Variants in PCDHGA4 observed in about 807,000 individuals in gnomAD.
PCDHGA4 encodes the protein protocadherin gamma-A4.
PCDHGA4 carries 38 observed loss-of-function variants against 54.6 expected under a neutral mutation model. The observed-to-expected ratio is 0.70, with a 90% CI of 0.54 to 0.91. The LOEUF (loss-of-function observed/expected upper bound fraction) is 0.91. Ranked by LOEUF, PCDHGA4 falls within the 40% of genes least tolerant of loss-of-function variation. The probability of loss-of-function intolerance (pLI) is 0.00; values close to 1 mark genes in which losing one functional copy is unlikely to be tolerated. For synonymous variants in PCDHGA4, 511 were observed against 512.9 expected (o/e 1.00, Z 0.05); for missense variants, 1,298 against 1,220.9 (o/e 1.06, Z -0.94).
Position 141,491,795 on chromosome 5 carries a change from C to T in PCDHGA4, c.2515-3012C>T. On this transcript the variant is annotated intron_variant, in intron 1 of 3. Coordinates refer to ENST00000571252, the MANE Select transcript of PCDHGA4 (RefSeq NM_018917.4). This position sits in a 1 kb window ranked among gnomAD's most constrained non-coding sequence, Gnocchi z 6.9. ...GGATTGAACTTGCATCCACTCCTCT[C>T]CGGCCGGCTTGGTCGCTGGCTGCGC... 6 of 1,511,694 alleles carry T rather than the reference C, an allele frequency of 4.0e-6. No individual in the cohort carries two copies. Among genetic ancestry groups the T allele is most frequent in the Non-Finnish European group, 5.3e-6 (6 of 1,130,430 alleles). 93.6% of individuals were successfully genotyped at this position (1,511,694 alleles called of 1,614,324 possible).
rs70988800 is a variant in PCDHGA4 at position 141,379,889 on chromosome 5, C to CTTTTTTTTTTTTTT, written c.2514+22285_2514+22298dup. ...CTTATTTTATGGTCTGTGAAAGCCT[C>CTTTTTTTTTTTTTT]TTTTTTTTTTTTTTTTTTTTTTTTT... On this transcript the variant is annotated intron_variant, in intron 1 of 3. Coordinates refer to ENST00000571252, the MANE Select transcript of PCDHGA4 (RefSeq NM_018917.4). Among the ~76,000 whole-genome samples, 79 of 50,828 alleles carry CTTTTTTTTTTTTTT rather than the reference C, an allele frequency of 1.6e-3. 14 individuals carry two copies. The highest frequency in any genetic ancestry group is 2.7e-3 in the African/African-American group (40 of 15,084). 33.3% of individuals were successfully genotyped at this position (50,828 alleles called of 152,430 possible).
intron 1 of PCDHGA4, chr5:141,398,072 G>T: frequency 1.9e-6 from 3 of 1,588,646 alleles, no homozygotes; most frequent in Non-Finnish European, 2.6e-6. Context: ...CAATACAGAG[G>T]TTATTTGTAA....
chr5:141,371,349 G>T, intron 1 of PCDHGA4: 1 of 1,614,002 alleles, frequency 6.2e-7, no homozygotes, highest in Non-Finnish European at 8.5e-7. Flanking sequence ...CACAATTGGG[G>T]TGGAAGCAAA....
At chr5:141,406,072 C>CTT (rs530474569) in intron 1 of PCDHGA4, among the ~76,000 whole-genome samples, 28 of 141,510 alleles carry the variant, frequency 2.0e-4, no homozygotes, top group East Asian at 4.1e-4. Context: ...ATTCTTACTC[C>CTT]TTTTTTTTTT....
At position 141,432,727 on chromosome 5, in the gene PCDHGA4, C is replaced by T; in HGVS notation, c.2515-62080C>T. 6.2e-7 allele frequency: 1 copy of T among 1,614,090 alleles called. No individual in the cohort carries two copies. Among genetic ancestry groups the T allele is most frequent in the Non-Finnish European group, 8.5e-7 (1 of 1,179,996 alleles). ...ACCACGGCCAGCCCCCTCTCTCCGC[C>T]ACTGTCACGCTCACCGTGGCCGTGG... On this transcript the variant is annotated intron_variant, in intron 1 of 3. Transcript: ENST00000571252. The surrounding 1 kb of genome is among the most constrained non-coding windows in gnomAD (Gnocchi z 6.0).
At chr5:141,363,406 A>G (rs944963716) in intron 1 of PCDHGA4, among the ~76,000 whole-genome samples, 1 of 152,226 alleles carries the variant, frequency 6.6e-6, no homozygotes, top group African/African-American at 2.4e-5. Context: ...TAAAGATGAT[A>G]GCAGTAAATA....
In PCDHGA4 at chr5:141,511,351, C is replaced by A. The variant is rs1190324197; in HGVS notation, c.*178C>A. 11 of 1,386,432 alleles carry A rather than the reference C, an allele frequency of 7.9e-6. No individual in the cohort carries two copies. Among genetic ancestry groups the A allele is most frequent in the South Asian group, 4.5e-5 (3 of 67,158 alleles). The allele number at this position is 1,386,432 out of a possible 1,614,324, so 85.9% of individuals were successfully genotyped here. On this transcript the variant is annotated 3_prime_UTR_variant, in exon 4 of 4. Transcript: ENST00000571252. ...CCAGTCAGCACCTACCCCTTCCCCC[C>A]CAGGGGGTTGAATATGCAAAAGCAG...
Position 141,477,388 on chromosome 5 carries a change from C to T in PCDHGA4, c.2515-17419C>T. The T allele has an allele frequency of 6.2e-7, 1 of 1,614,136 alleles. No homozygotes were observed. The highest frequency in any genetic ancestry group is 8.5e-7 in the Non-Finnish European group (1 of 1,180,014). On this transcript the variant is annotated intron_variant, in intron 1 of 3. Transcript: ENST00000571252. The surrounding 1 kb of genome is among the most constrained non-coding windows in gnomAD (Gnocchi z 4.9). Reference sequence around the variant, plus strand: ...ATCGGGAGACTGTGCCAGAATACAACCTCAGCATCACCGCCCGAGACGCCG... The same window carrying T: ...ATCGGGAGACTGTGCCAGAATACAATCTCAGCATCACCGCCCGAGACGCCG...
chr5:141,376,844 G>T (rs897403160), intron 1 of PCDHGA4: 2 of 241,996 alleles, frequency 8.3e-6, no homozygotes, highest in Non-Finnish European at 1.6e-5. Flanking sequence ...CCGCCACCGC[G>T]CCCGGCTAAT....
intron 1 of PCDHGA4, chr5:141,396,354 C>T (rs1285916157): frequency 6.6e-6 from 1 of 152,456 alleles, no homozygotes; most frequent in East Asian, 1.9e-4. Context: ...TGCGGTGGCT[C>T]ACGCCTGTAA....
chr5:141,461,655 ATTTTAAAG>A (rs2099019832), intron 1 of PCDHGA4, among the ~76,000 whole-genome samples: 1 of 152,022 alleles, frequency 6.6e-6, no homozygotes, highest in African/African-American at 2.4e-5. Flanking sequence ...CCCATGGATT[ATTTTAAAG>A]TTTGTTATTT....
chr5:141,385,404 G>C, intron 1 of PCDHGA4: 1 of 1,482,648 alleles, frequency 6.7e-7, no homozygotes, highest in Non-Finnish European at 8.9e-7. Context: ...CAAATGTTTT[G>C]AAAATAGGGA....
intron 1 of PCDHGA4, chr5:141,393,113 G>C: frequency 6.2e-7 from 1 of 1,613,500 alleles, no homozygotes. Flanking sequence ...CTCAGAGCCC[G>C]CGGTGTCTGA....
intron 1 of PCDHGA4, chr5:141,361,166 C>G: frequency 6.2e-7 from 1 of 1,613,940 alleles, no homozygotes; most frequent in South Asian, 1.1e-5. Context: ...AACGATTGTG[C>G]ACCTGAAGTT....
At chr5:141,404,707 C>G in intron 1 of PCDHGA4, 1 of 1,614,122 alleles carries the variant, frequency 6.2e-7, no homozygotes, top group Non-Finnish European at 8.5e-7. Context: ...CAGAGCCTGG[C>G]TACCTGGTGA....
intron 1 of PCDHGA4, among the ~76,000 whole-genome samples, chr5:141,460,256 C>T (rs1315761341): frequency 6.6e-6 from 1 of 151,704 alleles, no homozygotes; most frequent in Admixed American, 6.6e-5. Context: ...TTGATAAAGC[C>T]CAATTTATTT....
Position 141,485,855 on chromosome 5 carries a change from C to A in PCDHGA4, c.2515-8952C>A. ...CCCGCCGAGATCTGGCACCGCAGAG[C>A]TCCGGGTATCCGTGCTGGACGTAAA... On this transcript the variant is annotated intron_variant, in intron 1 of 3. Transcript: ENST00000571252. The surrounding 1 kb of genome is among the most constrained non-coding windows in gnomAD (Gnocchi z 5.7). 6.2e-7 allele frequency: 1 copy of A among 1,614,196 alleles called. No homozygotes were observed. Among genetic ancestry groups the A allele is most frequent in the Non-Finnish European group, 8.5e-7 (1 of 1,180,036 alleles).
chr5:141,506,444 CAAAAAAAAAAAAA>C (rs1219684339), intron 3 of PCDHGA4, among the ~76,000 whole-genome samples: 1 of 95,030 alleles, frequency 1.1e-5, no homozygotes, highest in Non-Finnish European at 2.2e-5. Context: ...CGCTCTGTCT[CAAAAAAAAAAAAA>C]AAAAAAAAGA....
chr5:141,417,874 C>A (rs768197455), intron 1 of PCDHGA4: 2 of 1,555,202 alleles, frequency 1.3e-6, no homozygotes, highest in African/African-American at 2.7e-5. Context: ...GAGGGAGCTG[C>A]GCGCAGAGGC....
Sources: gnomAD v4.1 joint callset for allele counts (sites outside exome capture counted in the v4.1 genomes callset) on GRCh38, gnomAD v4.1.1 for gene constraint, Gnocchi (gnomAD v3.1) non-coding constraint, MANE v1.5 for transcripts, NCBI Gene and HGNC (gene_info 2026-07-23, HGNC 2026-07-21) for gene names.